Variants in DLGAP1 observed in about 807,000 individuals in gnomAD.
DLGAP1 encodes DLG associated protein 1.
A neutral mutation model predicts 90.8 loss-of-function variants in DLGAP1; 11 were observed. The observed-to-expected ratio is 0.12, with a 90% confidence interval of 0.08 to 0.20. DLGAP1 has a LOEUF of 0.20. Ranked by LOEUF, DLGAP1 falls within the 10% of genes least tolerant of loss-of-function variation. DLGAP1 has a pLI of 1.00. For missense variants in DLGAP1, 1,050 were observed against 1,333.8 expected (o/e 0.79, Z 3.31); for synonymous variants, 558 against 540.7 (o/e 1.03, Z -0.44).
chr18:4,315,477 T>C (rs1051580451), intron 1 of DLGAP1, among the ~76,000 whole-genome samples: 1 of 152,228 alleles, frequency 6.6e-6, no homozygotes, highest in Non-Finnish European at 1.5e-5. Flanking sequence ...TCAAATTATA[T>C]TGACTTATAT....
At chr18:4,042,039 C>T (rs2074982479) in intron 2 of DLGAP1, among the ~76,000 whole-genome samples, 1 of 152,152 alleles carries the variant, frequency 6.6e-6, no homozygotes, top group Non-Finnish European at 1.5e-5. Context: ...GTTTTGATGA[C>T]ATCCACGTTT....
At chr18:3,626,590 CT>C (rs1207193263) in intron 7 of DLGAP1, among the ~76,000 whole-genome samples, 2 of 94,926 alleles carry the variant, frequency 2.1e-5, no homozygotes, top group African/African-American at 6.0e-5. Flanking sequence ...GAGCAAGAAC[CT>C]GTTAAAAAAA....
chr18:3,792,828 G>T (rs1380456030), intron 5 of DLGAP1, among the ~76,000 whole-genome samples: 5 of 152,298 alleles, frequency 3.3e-5, no homozygotes, highest in Non-Finnish European at 5.9e-5. Context: ...TGACCCCTCA[G>T]CCTTGGACTC....
intron 5 of DLGAP1, among the ~76,000 whole-genome samples, chr18:3,745,627 A>C (rs1446458575): frequency 3.3e-5 from 5 of 152,238 alleles, no homozygotes; most frequent in Non-Finnish European, 7.3e-5. Flanking sequence ...CCAGAAAATA[A>C]AAATAAATAA....
At chr18:3,772,926 A>G (rs1041850888) in intron 5 of DLGAP1, among the ~76,000 whole-genome samples, 4 of 152,154 alleles carry the variant, frequency 2.6e-5, no homozygotes, top group African/African-American at 9.7e-5. Flanking sequence ...TCACCTCTTC[A>G]GCATGGTATT....
At chr18:4,099,270 G>A (rs866058888) in intron 2 of DLGAP1, among the ~76,000 whole-genome samples, 37 of 147,892 alleles carry the variant, frequency 2.5e-4, no homozygotes, top group South Asian at 6.4e-4. Flanking sequence ...CTGTCTGTCT[G>A]TCTATCTATC....
At chr18:4,149,302 A>T (rs569464275) in intron 2 of DLGAP1, among the ~76,000 whole-genome samples, 1 of 152,348 alleles carries the variant, frequency 6.6e-6, no homozygotes, top group Non-Finnish European at 1.5e-5. Context: ...TTCATGAAGA[A>T]GTTAGTGTCG....
chr18:4,020,410 T>A (rs2074590436), intron 2 of DLGAP1, among the ~76,000 whole-genome samples: 1 of 152,206 alleles, frequency 6.6e-6, no homozygotes, highest in Non-Finnish European at 1.5e-5. Context: ...TCTACAGACT[T>A]CTTGAGTAAC....
chr18:4,323,935 T>A (rs1252884975), intron 1 of DLGAP1, among the ~76,000 whole-genome samples: 1 of 152,038 alleles, frequency 6.6e-6, no homozygotes, highest in African/African-American at 2.4e-5. Context: ...GATTTGAAAC[T>A]AACCACCTAA....
intron 1 of DLGAP1, among the ~76,000 whole-genome samples, chr18:4,309,058 A>G (rs1329831338): frequency 2.0e-5 from 3 of 152,210 alleles, no homozygotes; most frequent in African/African-American, 2.4e-5. Flanking sequence ...GAAATATTCC[A>G]TACACTGTAG....
chr18:3,524,481 CTA>C (rs1449290871), intron 10 of DLGAP1, among the ~76,000 whole-genome samples: 16 of 152,124 alleles, frequency 1.1e-4, no homozygotes, highest in African/African-American at 2.4e-5. Flanking sequence ...AAAAAAGTAA[CTA>C]TGTGAGATGA....
intron 9 of DLGAP1, among the ~76,000 whole-genome samples, chr18:3,562,759 G>C (rs2054214069): frequency 6.7e-6 from 1 of 149,656 alleles, no homozygotes; most frequent in East Asian, 2.0e-4. Context: ...CGAAAGTGTT[G>C]GGATTACAGG....
intron 1 of DLGAP1, among the ~76,000 whole-genome samples, chr18:4,307,394 T>C: frequency 6.6e-6 from 1 of 152,152 alleles, no homozygotes; most frequent in East Asian, 1.9e-4. Flanking sequence ...CCATCTCTGG[T>C]TTCCACCTTT....
intron 1 of DLGAP1, among the ~76,000 whole-genome samples, chr18:4,308,346 T>C (rs948922289): frequency 2.0e-5 from 3 of 152,150 alleles, no homozygotes; most frequent in African/African-American, 7.2e-5. Flanking sequence ...TTGAGCTACA[T>C]AAAAATATCT....
intron 4 of DLGAP1, among the ~76,000 whole-genome samples, chr18:3,835,443 A>C (rs558118821): frequency 6.6e-6 from 1 of 152,000 alleles, no homozygotes; most frequent in East Asian, 1.9e-4. Flanking sequence ...AAGTCAGGAG[A>C]TCAAGACCAT....
intron 3 of DLGAP1, among the ~76,000 whole-genome samples, chr18:3,947,766 T>C (rs1410125986): frequency 6.6e-6 from 1 of 152,184 alleles, no homozygotes; most frequent in Non-Finnish European, 1.5e-5. Context: ...GGTTGGAGAA[T>C]ATAATGTTAA....
chr18:3,642,559 G>A (rs929068956), intron 7 of DLGAP1, among the ~76,000 whole-genome samples: 1 of 152,104 alleles, frequency 6.6e-6, no homozygotes, highest in Non-Finnish European at 1.5e-5. Flanking sequence ...ACTCAGTCCT[G>A]CATTTGAAAC....
chr18:4,104,687 C>T (rs1318030934), intron 2 of DLGAP1, among the ~76,000 whole-genome samples: 2 of 152,082 alleles, frequency 1.3e-5, no homozygotes, highest in African/African-American at 4.8e-5. Flanking sequence ...ATGCAGATTA[C>T]GTATAGTATA....
At chr18:3,531,159 G>A (rs754597460) in intron 10 of DLGAP1, among the ~76,000 whole-genome samples, 8 of 152,116 alleles carry the variant, frequency 5.3e-5, no homozygotes, top group South Asian at 2.1e-4. Flanking sequence ...ATTATTGGCC[G>A]GGCGCTGTGG....
Sources: gnomAD v4.1 joint callset for allele counts (sites outside exome capture counted in the v4.1 genomes callset) on GRCh38, gnomAD v4.1.1 for gene constraint, MANE v1.5 for transcripts, NCBI Gene and HGNC (gene_info 2026-07-23, HGNC 2026-07-21) for gene names.